Variants in GABBR2 observed in about 807,000 individuals in gnomAD.
The protein encoded by GABBR2 is gamma-aminobutyric acid type B receptor subunit 2.
In GABBR2, 23 loss-of-function variants were observed where a neutral mutation model predicts 105.6. The ratio of observed to expected loss-of-function variants is 0.22; its 90% CI spans 0.16 to 0.31. The LOEUF (loss-of-function observed/expected upper bound fraction) is 0.31, where lower values mean the gene tolerates loss of function less well. Among genes scored for constraint, GABBR2 ranks in the 10% least tolerant of loss-of-function variants. The probability of loss-of-function intolerance (pLI) is 1.00; values close to 1 mark genes in which losing one functional copy is unlikely to be tolerated. For synonymous variants in GABBR2, 478 were observed against 499.7 expected, an observed-to-expected ratio of 0.96 and a Z score of 0.58; for missense variants, 734 against 1,245.5, an observed-to-expected ratio of 0.59 and a Z score of 6.18.
At chr9:98,513,240 T>G (rs1337116408) in intron 3 of GABBR2, among the ~76,000 whole-genome samples, 3 of 151,554 alleles carry the variant, frequency 2.0e-5, no homozygotes, top group Non-Finnish European at 4.4e-5. Flanking sequence ...CCTTACACCT[T>G]ATACAAAAAT....
rs2184026 is a variant in GABBR2, at chr9:98,542,066, C to T, written c.460-23G>A. The T allele has an allele frequency of 0.22, 355,800 of 1,604,824 alleles. 43,661 individuals are homozygous for T. The highest frequency in any genetic ancestry group is 0.54 in the East Asian group (24,153 of 44,670). On this transcript the variant is annotated intron_variant, in intron 2 of 18. Transcript: ENST00000259455. ...AAGCTGAAAAACACAAAAGAGACAA[C>T]GCTTTTTACTGATGAGCCTCACAGC... is the stretch of plus-strand genomic sequence containing the variant.
chr9:98,400,684 G>A (rs1202888422), intron 8 of GABBR2, among the ~76,000 whole-genome samples: 4 of 152,230 alleles, frequency 2.6e-5, no homozygotes, highest in Non-Finnish European at 4.4e-5. Context: ...CCTGCAGGGA[G>A]CAGGGAGGAG....
chr9:98,708,420 C>T lies in GABBR2; in HGVS notation c.318G>A (p.Thr106=), dbSNP rs1461596890. 4 of 1,496,946 alleles carry T rather than the reference C, an allele frequency of 2.7e-6. No individual in the cohort carries two copies. Among genetic ancestry groups the T allele is most frequent in the Non-Finnish European group, 3.6e-6 (4 of 1,113,180 alleles). The allele number at this position is 1,496,946 out of a possible 1,614,324, so 92.7% of individuals were successfully genotyped here. Residue 106 remains threonine, a synonymous_variant, in exon 1 of 19, where the codon ACG becomes ACA. Transcript: ENST00000259455. The part of the protein sequence containing the change: ...PYFLDLRLYD[T]ECDNAKGLKA... ...GCAGGGGCAGCCGGACACTCACCTC[C>T]GTGTCATAGAGCCGCAGGTCGAGGA...
chr9:98,322,071 C>T (rs1223224588), intron 13 of GABBR2, among the ~76,000 whole-genome samples: 1 of 152,096 alleles, frequency 6.6e-6, no homozygotes, highest in African/African-American at 2.4e-5. Context: ...TGAATTGCTC[C>T]CCCATCATTT....
chr9:98,424,519 T>G (rs1832839556), intron 7 of GABBR2, among the ~76,000 whole-genome samples: 1 of 152,046 alleles, frequency 6.6e-6, no homozygotes, highest in Non-Finnish European at 1.5e-5. Context: ...GGGTATTCAA[T>G]TAGGAAAAGA....
chr9:98,560,759 TTA>T (rs557088734), intron 2 of GABBR2, among the ~76,000 whole-genome samples: 2 of 142,084 alleles, frequency 1.4e-5, no homozygotes, highest in African/African-American at 2.6e-5. Context: ...ATATTTAGTA[TTA>T]TATATATACT....
At chr9:98,394,405 A>G in intron 8 of GABBR2, 150 bp from the exon 9 acceptor site, 1 of 634,650 alleles carries the variant, frequency 1.6e-6, no homozygotes. Context: ...TAGAATCACA[A>G]AACTTCTAAC....
intron 9 of GABBR2, among the ~76,000 whole-genome samples, chr9:98,393,201 A>G (rs1832223795): frequency 1.8e-5 from 2 of 110,944 alleles, no homozygotes; most frequent in African/African-American, 4.5e-5. Flanking sequence ...CATCCACTTG[A>G]TCAATTCATC....
chr9:98,393,928 C>T (rs1003339003), intron 9 of GABBR2, among the ~76,000 whole-genome samples: 5 of 152,242 alleles, frequency 3.3e-5, no homozygotes, highest in Admixed American at 6.5e-5. Context: ...AAAAGAATTA[C>T]TCCTGGCCAT....
chr9:98,585,412 G>A (rs1418390523), intron 1 of GABBR2, among the ~76,000 whole-genome samples: 3 of 146,804 alleles, frequency 2.0e-5, no homozygotes, highest in Non-Finnish European at 4.5e-5. Flanking sequence ...AACACCACAT[G>A]TTCTCACTCA....
At chr9:98,296,007 C>T (rs1015575396) in intron 17 of GABBR2, among the ~76,000 whole-genome samples, 7 of 152,206 alleles carry the variant, frequency 4.6e-5, no homozygotes, top group Admixed American at 2.6e-4. Context: ...ACATAACTAC[C>T]GCTACGGTGA....
intron 4 of GABBR2, among the ~76,000 whole-genome samples, chr9:98,495,112 G>A (rs1160123948): frequency 1.3e-5 from 2 of 152,144 alleles, no homozygotes; most frequent in Non-Finnish European, 2.9e-5. Context: ...CCAGCCACCT[G>A]GGCTGTCAAG....
chr9:98,439,830 G>T (rs1363950880), intron 7 of GABBR2, among the ~76,000 whole-genome samples: 1 of 152,178 alleles, frequency 6.6e-6, no homozygotes, highest in Admixed American at 6.5e-5. Context: ...TGTCATCCTT[G>T]CACTAATTCA....
chr9:98,296,143 G>A (rs930488221), intron 17 of GABBR2, among the ~76,000 whole-genome samples: 6 of 152,206 alleles, frequency 3.9e-5, no homozygotes, highest in East Asian at 1.9e-4. Flanking sequence ...TAATTAAGTC[G>A]TGAAGGCGGA....
intron 12 of GABBR2, among the ~76,000 whole-genome samples, chr9:98,369,297 T>G (rs1831736536): frequency 6.6e-6 from 1 of 151,968 alleles, no homozygotes; most frequent in South Asian, 2.1e-4. Context: ...CCTAAGGTGG[T>G]TCGGGTGTGG....
chr9:98,305,300 C>A (rs536588277), intron 15 of GABBR2, among the ~76,000 whole-genome samples: 1 of 152,304 alleles, frequency 6.6e-6, no homozygotes, highest in South Asian at 2.1e-4. Context: ...AACAATACTA[C>A]TTCTGTGATT....
chr9:98,639,205 C>G (rs1489141915), intron 1 of GABBR2, among the ~76,000 whole-genome samples: 1 of 152,156 alleles, frequency 6.6e-6, no homozygotes, highest in African/African-American at 2.4e-5. Context: ...CCATCCAGAG[C>G]ACATTGAAGG....
chr9:98,653,094 T>C (rs1353848800), intron 1 of GABBR2, among the ~76,000 whole-genome samples: 1 of 152,220 alleles, frequency 6.6e-6, no homozygotes, highest in Admixed American at 6.5e-5. Context: ...ACTCCTGGGC[T>C]CAAGCAATCC....
intron 6 of GABBR2, among the ~76,000 whole-genome samples, chr9:98,464,585 C>A (rs140486272): frequency 6.6e-6 from 1 of 151,836 alleles, no homozygotes; most frequent in Admixed American, 6.5e-5. Flanking sequence ...TCTGCCAAGC[C>A]GCCCCGTCTG....
Sources: allele counts gnomAD v4.1 joint callset (sites outside exome capture counted in the v4.1 genomes callset), GRCh38; gene constraint gnomAD v4.1.1; transcripts MANE v1.5; gene names NCBI Gene and HGNC (gene_info 2026-07-23, HGNC 2026-07-21).